PCLO: variants seen among roughly 807,000 people sequenced by gnomAD.
PCLO encodes the protein protein piccolo.
A neutral mutation model predicts 427.5 loss-of-function variants in PCLO; 82 were observed. The ratio of observed to expected loss-of-function variants is 0.19; its 90% CI spans 0.16 to 0.23. PCLO has a LOEUF of 0.23. Ranked by LOEUF, PCLO falls within the 10% of genes least tolerant of loss-of-function variation. The pLI, the probability that PCLO is intolerant of heterozygous loss-of-function variation, is 1.00. For missense variants in PCLO, 6,239 were observed against 6,115.9 expected (o/e 1.02, Z -0.67); for synonymous variants, 2,357 against 2,155.4 (o/e 1.09, Z -2.59).
At chr7:82,965,258 T>C (rs1199983651) in intron 4 of PCLO, among the ~76,000 whole-genome samples, 1 of 151,836 alleles carries the variant, frequency 6.6e-6, no homozygotes, top group Non-Finnish European at 1.5e-5. Context: ...TTAGAATGAC[T>C]TTTGCTTTGG....
chr7:82,956,927 T>C lies in PCLO; in HGVS notation c.4026A>G (p.Glu1342=), dbSNP rs752338581. The stretch of plus-strand genomic sequence containing the variant: ...AACTTGAGGTGTCTGATTTGTCATC[T>C]TCCTTTTCCTAAGCAGGGAGATAAA... The part of the protein sequence containing the change: ...VEPGKEKTEK[E]DDKSDTSSSQ... Residue 1342 remains glutamate, a synonymous_variant, in exon 5 of 25, where the codon GAA becomes GAG. Transcript: ENST00000333891. The C allele has an allele frequency of 5.6e-6, 9 of 1,593,772 alleles. No homozygotes were observed. In the East Asian group the frequency reaches 1.8e-4, roughly 32 times the overall value.
intron 22 of PCLO, among the ~76,000 whole-genome samples, chr7:82,763,012 C>G (rs1333564639): frequency 6.6e-6 from 1 of 152,080 alleles, no homozygotes; most frequent in Non-Finnish European, 1.5e-5. Context: ...CCGATCATGG[C>G]TCACTGCAGC....
At position 82,824,388 on chromosome 7, in the gene PCLO, T is replaced by G. The variant is rs1211148214; in HGVS notation, c.14444A>C (p.His4815Pro). The G allele has an allele frequency of 1.2e-6, 2 of 1,610,340 alleles. No homozygotes were observed. Among genetic ancestry groups the G allele is most frequent in the South Asian group, 2.2e-5 (2 of 90,666 alleles). The part of the protein sequence containing the change: ...EVLIDLSSTS[H>P]LDNTPRWYPL... ...ATACCACCTTGGAGTGTTATCGAGGTGAGATGTGCTAGATAAATCAATCAA... is the reference window on the plus strand; with the variant it reads ...ATACCACCTTGGAGTGTTATCGAGGGGAGATGTGCTAGATAAATCAATCAA... The change falls in exon 19 of 25, where the codon CAC becomes CCC. Residue 4815 changes from histidine (H) to proline (P), a missense_variant. His to Pro is a moderately conservative substitution (Grantham distance 77, BLOSUM62 -2). Transcript: ENST00000333891.
rs1340862988 is a variant in PCLO, at chr7:82,953,644, T to C, written c.7309A>G (p.Ile2437Val). The change falls in exon 5 of 25, where the codon ATT becomes GTT. Residue 2437 changes from isoleucine (I) to valine (V), a missense_variant. By Grantham distance (29) the Ile-to-Val change is conservative. Transcript: ENST00000333891. ...LPPPTSPKPT[I>V]LPKKKLTVAS... ...ACTGTTAACTTTTTTTTAGGAAGAA[T>C]AGTTGGTTTAGGTGAAGTTGGTGGA... 1.3e-5 allele frequency: 20 copies of C among 1,582,086 alleles called. No individual in the cohort carries two copies. The highest frequency in any genetic ancestry group is 1.5e-5 in the Non-Finnish European group (17 of 1,166,430).
intron 3 of PCLO, among the ~76,000 whole-genome samples, chr7:83,022,189 T>C (rs1788361674): frequency 6.6e-6 from 1 of 152,036 alleles, no homozygotes; most frequent in African/African-American, 2.4e-5. Context: ...AAAGGACACA[T>C]AGAAGGTGCT....
At chr7:82,840,416 T>A (rs1446697062) in intron 14 of PCLO, among the ~76,000 whole-genome samples, 1 of 152,110 alleles carries the variant, frequency 6.6e-6, no homozygotes, top group Non-Finnish European at 1.5e-5. Flanking sequence ...ATATTTCTTG[T>A]AGGTCACTGC....
chr7:83,072,449 A>G (rs1789842546), intron 3 of PCLO, among the ~76,000 whole-genome samples: 1 of 152,070 alleles, frequency 6.6e-6, no homozygotes, highest in African/African-American at 2.4e-5. Context: ...AATTAGTCCT[A>G]TGGCCCCTTC....
At chr7:83,112,028 G>A (rs1240738825) in intron 3 of PCLO, among the ~76,000 whole-genome samples, 2 of 136,030 alleles carry the variant, frequency 1.5e-5, no homozygotes, top group Admixed American at 1.5e-4. Flanking sequence ...ATTAGGAAAT[G>A]TCTGGGTTTT....
chr7:82,980,500 A>G (rs1030355281), intron 3 of PCLO, among the ~76,000 whole-genome samples: 1 of 152,170 alleles, frequency 6.6e-6, no homozygotes, highest in Non-Finnish European at 1.5e-5. Flanking sequence ...AGAATATGAT[A>G]AAGAAATGTA....
intron 9 of PCLO, among the ~76,000 whole-genome samples, chr7:82,894,622 A>G (rs1793856202): frequency 1.3e-5 from 2 of 152,012 alleles, no homozygotes; most frequent in Admixed American, 1.3e-4. Context: ...GGAATTCAAG[A>G]TGACATTTGG....
At chr7:82,893,987 T>G (rs1438200611) in intron 9 of PCLO, among the ~76,000 whole-genome samples, 1 of 151,994 alleles carries the variant, frequency 6.6e-6, no homozygotes, top group African/African-American at 2.4e-5. Flanking sequence ...TATCTGTGTT[T>G]TATTTTATAT....
chr7:83,082,580 C>A (rs1790128658), intron 3 of PCLO, among the ~76,000 whole-genome samples: 1 of 151,438 alleles, frequency 6.6e-6, no homozygotes, highest in Non-Finnish European at 1.5e-5. Context: ...GTTGGTAGTA[C>A]AATAGGGTGA....
At chr7:83,067,677 G>A (rs375764859) in intron 3 of PCLO, among the ~76,000 whole-genome samples, 8 of 152,148 alleles carry the variant, frequency 5.3e-5, no homozygotes, top group East Asian at 3.9e-4. Flanking sequence ...GTTTGGGTTC[G>A]TGATTAAAGA....
intron 3 of PCLO, among the ~76,000 whole-genome samples, chr7:83,053,107 G>A (rs1191671102): frequency 2.0e-5 from 3 of 151,912 alleles, no homozygotes; most frequent in African/African-American, 4.8e-5. Flanking sequence ...TTTACGTACA[G>A]TATTCAGTCA....
chr7:82,958,759 T>C (rs923398429), intron 4 of PCLO, among the ~76,000 whole-genome samples: 1 of 152,220 alleles, frequency 6.6e-6, no homozygotes, highest in Non-Finnish European at 1.5e-5. Context: ...AGCTCCTTTC[T>C]CATACTGAAG....
chr7:82,927,213 G>T (rs17156859), intron 6 of PCLO, among the ~76,000 whole-genome samples: 22,218 of 152,080 alleles, frequency 0.15, 2,622 homozygotes, highest in African/African-American at 0.32. Flanking sequence ...AGGACCAATT[G>T]TACACTGCCT....
chr7:83,135,617 C>A lies in PCLO; in HGVS notation c.1933G>T (p.Ala645Ser), dbSNP rs532617646. The change falls in exon 3 of 25, where the codon GCT becomes TCT. Residue 645 changes from alanine to serine, a missense_variant. Physicochemically the swap from Ala to Ser is moderately conservative, Grantham distance 99. Around this residue, in one of 5 missense-constraint regions of PCLO, gnomAD observed 4,677 missense variants for 4,468.4 expected, o/e 1.05. Coordinates refer to ENST00000333891, the MANE Select transcript of PCLO (RefSeq NM_033026.6). Reference protein sequence around the residue: ...WLCLNCQMKRALGGDLAPVPS... With the variant: ...WLCLNCQMKRSLGGDLAPVPS... ...ACTGGAGCCAGATCCCCGCCTAGAGCTCTTTTCATTTGACAGTTCAAACAG... is the reference window on the plus strand; with the variant it reads ...ACTGGAGCCAGATCCCCGCCTAGAGATCTTTTCATTTGACAGTTCAAACAG... 59 of 1,610,040 alleles carry A rather than the reference C, an allele frequency of 3.7e-5. 1 individual carries two copies. In the South Asian group the frequency reaches 6.3e-4, roughly 17 times the overall value.
At chr7:82,999,066 A>C (rs1041008912) in intron 3 of PCLO, among the ~76,000 whole-genome samples, 2 of 150,320 alleles carry the variant, frequency 1.3e-5, no homozygotes, top group African/African-American at 4.9e-5. Flanking sequence ...GCTTATTAGT[A>C]TATGGGATAG....
At chr7:82,790,288 C>T (rs1435798436) in intron 22 of PCLO, among the ~76,000 whole-genome samples, 1 of 152,104 alleles carries the variant, frequency 6.6e-6, no homozygotes, top group African/African-American at 2.4e-5. Flanking sequence ...CTAAGTTCTT[C>T]CTGACAGCTT....
Sources: allele counts gnomAD v4.1 joint callset (sites outside exome capture counted in the v4.1 genomes callset), GRCh38; gene constraint gnomAD v4.1.1; regional missense constraint gnomAD v4.1.1; transcripts MANE v1.5; gene names NCBI Gene and HGNC (gene_info 2026-07-23, HGNC 2026-07-21).